CLPB: variants seen among roughly 807,000 people sequenced by gnomAD.
The protein encoded by CLPB is mitochondrial disaggregase.
In CLPB, 40 loss-of-function variants were observed where a neutral mutation model predicts 78.4. The ratio of observed to expected loss-of-function variants is 0.51; its 90% CI spans 0.40 to 0.66. The LOEUF (loss-of-function observed/expected upper bound fraction) is 0.66, where lower values mean the gene tolerates loss of function less well. CLPB is among the 30% of genes least tolerant of loss of function. CLPB has a pLI of 0.00. For synonymous variants in CLPB, 333 were observed against 348.0 expected, an observed-to-expected ratio of 0.96 and a Z score of 0.48; for missense variants, 780 against 886.9, an observed-to-expected ratio of 0.88 and a Z score of 1.53.
intron 5 of CLPB, among the ~76,000 whole-genome samples, chr11:72,330,413 C>T (rs1192424638): frequency 6.6e-6 from 1 of 152,208 alleles, no homozygotes; most frequent in Non-Finnish European, 1.5e-5. Flanking sequence ...ATCATTAGTT[C>T]CTGTGACTTA....
At chr11:72,389,376 T>C (rs933399186) in intron 3 of CLPB, among the ~76,000 whole-genome samples, 1 of 152,222 alleles carries the variant, frequency 6.6e-6, no homozygotes, top group Middle Eastern at 3.2e-3. Context: ...AATAGGACAG[T>C]AGCAACTTCT....
chr11:72,355,979 C>T (rs970193833), intron 5 of CLPB, among the ~76,000 whole-genome samples: 17 of 152,140 alleles, frequency 1.1e-4, no homozygotes, highest in African/African-American at 4.1e-4. Context: ...GTGGCAAGTA[C>T]AGCCTAAGAA....
chr11:72,370,512 G>A (rs1363859758), intron 4 of CLPB, among the ~76,000 whole-genome samples: 1 of 152,210 alleles, frequency 6.6e-6, no homozygotes, highest in Non-Finnish European at 1.5e-5. Context: ...GCCTGGACAA[G>A]GATGAGGAAG....
At chr11:72,399,895 C>G (rs1270275959) in intron 3 of CLPB, among the ~76,000 whole-genome samples, 2 of 152,172 alleles carry the variant, frequency 1.3e-5, no homozygotes, top group African/African-American at 4.8e-5. Context: ...TAAGGAAAAA[C>G]TTATTGGCAG....
intron 5 of CLPB, among the ~76,000 whole-genome samples, chr11:72,337,418 A>G (rs1950342271): frequency 1.3e-5 from 2 of 150,806 alleles, no homozygotes; most frequent in Admixed American, 1.3e-4. Context: ...TATTTTTTCT[A>G]GTTTACAGAT....
chr11:72,420,222 T>A (rs1188453712), intron 2 of CLPB, among the ~76,000 whole-genome samples: 3 of 152,088 alleles, frequency 2.0e-5, no homozygotes, highest in Non-Finnish European at 4.4e-5. Context: ...TTTCAATGGC[T>A]GGGCATGGTG....
chr11:72,414,779 G>A (rs1178164509), intron 2 of CLPB, among the ~76,000 whole-genome samples: 1 of 152,206 alleles, frequency 6.6e-6, no homozygotes, highest in Admixed American at 6.5e-5. Flanking sequence ...ACAACTCACC[G>A]CCTTGCAAAG....
chr11:72,430,408 C>A, intron 1 of CLPB, 45 bp from the exon 2 acceptor site: 2 of 1,594,872 alleles, frequency 1.3e-6, no homozygotes, highest in Non-Finnish European at 8.6e-7. Context: ...CCAGGACATA[C>A]CCATCTCAGG....
Position 72,434,337 on chromosome 11 carries a change from C to T in CLPB, c.138G>A (p.Gln46=). 2 of 1,612,202 alleles carry T rather than the reference C, an allele frequency of 1.2e-6. No homozygotes were observed. Among genetic ancestry groups the T allele is most frequent in the East Asian group, 2.2e-5 (1 of 44,880 alleles). ...NVTTGSLGEP[Q]WLRVATGGRP... ...GCCCCCCGGTGGCTACCCTCAGCCA[C>T]TGCGGCTCCCCGAGACTCCCAGTAG... is the stretch of plus-strand genomic sequence containing the variant. The change falls in exon 1 of 16, where the codon CAG becomes CAA. Residue 46 remains glutamine, a synonymous_variant. Coordinates refer to ENST00000538039, the MANE Select transcript of CLPB (RefSeq NM_001258392.3).
At chr11:72,406,017 C>T (rs920057969) in intron 2 of CLPB, among the ~76,000 whole-genome samples, 3 of 152,132 alleles carry the variant, frequency 2.0e-5, no homozygotes, top group South Asian at 2.1e-4. Flanking sequence ...ACCTAGTTGC[C>T]ATTCCTTAGC....
chr11:72,295,446 T>C, intron 12 of CLPB, 46 bp downstream of exon 12: 1 of 1,596,178 alleles, frequency 6.3e-7, no homozygotes, highest in Non-Finnish European at 8.6e-7. Flanking sequence ...GGAGATAGGC[T>C]GGTGGCTTGG....
intron 4 of CLPB, among the ~76,000 whole-genome samples, chr11:72,376,669 G>GTTTGTT (rs1565471131): frequency 1.4e-4 from 21 of 150,236 alleles, no homozygotes; most frequent in Non-Finnish European, 2.5e-4. Context: ...TTTAACAGTT[G>GTTTGTT]TTTGTTTTTG....
intron 5 of CLPB, among the ~76,000 whole-genome samples, chr11:72,351,701 A>T (rs945517944): frequency 2.0e-5 from 3 of 152,016 alleles, no homozygotes; most frequent in African/African-American, 7.2e-5. Context: ...CCTCCCAAGT[A>T]GCTGGGATTA....
At chr11:72,383,448 G>A (rs539148281) in intron 3 of CLPB, among the ~76,000 whole-genome samples, 59 of 150,988 alleles carry the variant, frequency 3.9e-4, no homozygotes, top group Non-Finnish European at 6.5e-4. Flanking sequence ...GGAGAATGGC[G>A]TGAACCCGGG....
At chr11:72,326,165 T>G (rs1950130339) in intron 6 of CLPB, among the ~76,000 whole-genome samples, 1 of 152,196 alleles carries the variant, frequency 6.6e-6, no homozygotes, top group South Asian at 2.1e-4. Context: ...CCTAGATGCA[T>G]TTGATAAAAA....
chr11:72,380,160 C>T, intron 4 of CLPB, 121 bp downstream of exon 4: 4 of 741,266 alleles, frequency 5.4e-6, no homozygotes, highest in Non-Finnish European at 9.4e-6. Flanking sequence ...CATGAGTCCA[C>T]AGAGGTAAAG....
rs1949388454 is a variant in CLPB at position 72,286,231 on chromosome 11, T to TTTTTTTGTTTTTTTG, written c.*7135_*7136insCAAAAAAACAAAAAA. 1 of 134,126 alleles carries TTTTTTTGTTTTTTTG rather than the reference T, an allele frequency of 7.5e-6. No individual in the cohort carries two copies. Among genetic ancestry groups the TTTTTTTGTTTTTTTG allele is most frequent in the Admixed American group, 7.3e-5 (1 of 13,742 alleles). 8.3% of individuals were successfully genotyped at this position (134,126 alleles called of 1,614,324 possible). A position where few individuals can be genotyped will look rare whatever the true frequency, so the allele number is the denominator to read the frequency against. ...TGTGAGATACTGCACCTGTTTTTTTTTTTTTTTTTTTTTTTAAGAGATAGG... is the reference window on the plus strand; with the variant it reads ...TGTGAGATACTGCACCTGTTTTTTTTTTTTTTGTTTTTTTGTTTTTTTTTTTTTTTAAGAGATAGG... On this transcript the variant is annotated 3_prime_UTR_variant, in exon 16 of 16. Coordinates refer to ENST00000538039, the MANE Select transcript of CLPB (RefSeq NM_001258392.3).
chr11:72,293,289 A>G lies in CLPB; in HGVS notation c.*78T>C. 6.5e-7 allele frequency: 1 copy of G among 1,531,424 alleles called. No homozygotes were observed. 94.9% of individuals were successfully genotyped at this position (1,531,424 alleles called of 1,614,324 possible). A position where few individuals can be genotyped will look rare whatever the true frequency, so the allele number is the denominator to read the frequency against. ...GTAGAGATGGGAGCGGCATGAGGGG[A>G]AGGTAAGTCAGTTGCCATGCCACAG... On this transcript the variant is annotated 3_prime_UTR_variant, in exon 16 of 16. Coordinates refer to ENST00000538039, the MANE Select transcript of CLPB (RefSeq NM_001258392.3).
At chr11:72,369,858 C>T (rs556267533) in intron 4 of CLPB, among the ~76,000 whole-genome samples, 12 of 152,080 alleles carry the variant, frequency 7.9e-5, no homozygotes, top group Non-Finnish European at 1.0e-4. Flanking sequence ...GAACTGCGTG[C>T]GTCAGGGAAG....
Sources: gnomAD v4.1 joint callset for allele counts (sites outside exome capture counted in the v4.1 genomes callset) on GRCh38, gnomAD v4.1.1 for gene constraint, MANE v1.5 for transcripts, NCBI Gene and HGNC (gene_info 2026-07-23, HGNC 2026-07-21) for gene names.